The following OR4N2 variants were observed in gnomAD, a reference collection of about 807,000 sequenced individuals.
The protein encoded by OR4N2 is olfactory receptor family 4 subfamily N member 2.
For synonymous variants in OR4N2, 141 were observed against 140.4 expected (o/e 1.00, Z -0.03); for missense variants, 307 against 377.6 (o/e 0.81, Z 1.55).
Position 19,829,777 on chromosome 14 carries a change from A to C in OR4N2, c.*1405A>C, listed in dbSNP as rs1230879050. The C allele has an allele frequency of 1.3e-5, 2 of 152,268 alleles. No homozygotes were observed. The highest frequency in any genetic ancestry group is 4.8e-5 in the African/African-American group (2 of 41,474). 9.4% of individuals were successfully genotyped at this position (152,268 alleles called of 1,614,324 possible). On this transcript the variant is annotated 3_prime_UTR_variant, in exon 2 of 2. Transcript: ENST00000557677. ...AGGGGGTCAAAAATTGAGTTTTAAA[A>C]TATTTTATTTTTGATAATCGCCAAA...
chr14:19,828,112 C>T lies in OR4N2; in HGVS notation c.664C>T (p.Leu222Phe). The change falls in exon 2 of 2, where the codon CTT (leucine) becomes TTT (phenylalanine). Residue 222 changes from leucine (L) to phenylalanine (F), a missense_variant. Transcript: ENST00000557677. ...GCTTCTGGCCTCCTATGCAGTCATT[C>T]TTTGTCGCATACGAGGGTCTTCTTC... ...LGLLASYAVI[L>F]CRIRGSSSEA... is the part of the protein sequence containing the mutation. 4 of 1,614,256 alleles carry T rather than the reference C, an allele frequency of 2.5e-6. No homozygotes were observed. Among genetic ancestry groups the T allele is most frequent in the Non-Finnish European group, 3.4e-6 (4 of 1,180,044 alleles).
At chr14:19,819,086 T>A (rs2801166) in intron 1 of OR4N2, among the ~76,000 whole-genome samples, 82,446 of 149,944 alleles carry the variant, frequency 0.55, 17,602 homozygotes, top group East Asian at 0.66. Flanking sequence ...TGTGGGTAAC[T>A]ACTTGACCTT....
chr14:19,805,496 G>A (rs894590899), intron 1 of OR4N2, among the ~76,000 whole-genome samples: 2 of 152,146 alleles, frequency 1.3e-5, no homozygotes, highest in Non-Finnish European at 2.9e-5. Context: ...AAATATCTCT[G>A]AGCTCAAAGA....
chr14:19,818,726 G>A (rs1171863660), intron 1 of OR4N2, among the ~76,000 whole-genome samples: 1 of 152,184 alleles, frequency 6.6e-6, no homozygotes, highest in Non-Finnish European at 1.5e-5. Flanking sequence ...CTGTAATTAT[G>A]ATGTTATCTG....
At chr14:19,817,438 G>A (rs1879454390) in intron 1 of OR4N2, among the ~76,000 whole-genome samples, 1 of 152,366 alleles carries the variant, frequency 6.6e-6, no homozygotes, top group South Asian at 2.1e-4. Flanking sequence ...ATGTGCCCAG[G>A]AATTTATCCA....
intron 1 of OR4N2, among the ~76,000 whole-genome samples, chr14:19,820,708 C>T (rs1006923364): frequency 6.6e-6 from 1 of 152,270 alleles, no homozygotes; most frequent in Non-Finnish European, 1.5e-5. Context: ...TTCAAACTTC[C>T]TGGTGGCTTT....
chr14:19,822,715 A>T (rs1017567021), intron 1 of OR4N2, among the ~76,000 whole-genome samples: 3 of 152,258 alleles, frequency 2.0e-5, no homozygotes, highest in African/African-American at 7.2e-5. Flanking sequence ...TTTAACATCT[A>T]AATATTTTCA....
intron 1 of OR4N2, among the ~76,000 whole-genome samples, chr14:19,804,811 T>C (rs1342779414): frequency 6.6e-6 from 1 of 152,232 alleles, no homozygotes; most frequent in African/African-American, 2.4e-5. Flanking sequence ...CTCCCAGTAG[T>C]ATTGTGTGGT....
intron 1 of OR4N2, among the ~76,000 whole-genome samples, chr14:19,824,918 C>T (rs932985059): frequency 6.6e-5 from 10 of 152,244 alleles, no homozygotes; most frequent in African/African-American, 2.4e-4. Context: ...AAGGTATGTG[C>T]TAATTTTTTA....
chr14:19,821,184 A>G (rs942616792), intron 1 of OR4N2, among the ~76,000 whole-genome samples: 37 of 152,344 alleles, frequency 2.4e-4, no homozygotes, highest in Non-Finnish European at 2.6e-4. Flanking sequence ...CTGGGGAGGG[A>G]GTTCCCTGAA....
chr14:19,808,678 T>C (rs1452517737), intron 1 of OR4N2, among the ~76,000 whole-genome samples: 1 of 152,200 alleles, frequency 6.6e-6, no homozygotes, highest in Non-Finnish European at 1.5e-5. Context: ...ATGGTATTTC[T>C]ATCTCACTAC....
rs1435447535 is a variant in OR4N2 at position 19,829,132 on chromosome 14, A to C, written c.*760A>C. ...TATATTTGTAAGTGCACTTTGAAAG[A>C]TATTAAACTACCAATTTTTCTTACA... On this transcript the variant is annotated 3_prime_UTR_variant, in exon 2 of 2. Coordinates refer to ENST00000557677, the MANE Select transcript of OR4N2 (RefSeq NM_001004723.3). 2.0e-5 allele frequency: 3 copies of C among 152,228 alleles called. No homozygotes were observed. The highest frequency in any genetic ancestry group is 1.3e-4 in the Admixed American group (2 of 15,282). The allele number at this position is 152,228 out of a possible 1,614,324, so 9.4% of individuals were successfully genotyped here.
At chr14:19,821,445 C>CATAT (rs368040089) in intron 1 of OR4N2, among the ~76,000 whole-genome samples, 5 of 151,300 alleles carry the variant, frequency 3.3e-5, no homozygotes, top group Admixed American at 6.6e-5. Context: ...TGAGTCTAGT[C>CATAT]ATATATATAT....
chr14:19,808,433 CA>C (rs1388734280), intron 1 of OR4N2, among the ~76,000 whole-genome samples: 6 of 152,158 alleles, frequency 3.9e-5, no homozygotes, highest in Non-Finnish European at 8.8e-5. Context: ...TTCCATACAT[CA>C]ATAATGTCCA....
Position 19,829,694 on chromosome 14 carries a change from A to G in OR4N2, c.*1322A>G, listed in dbSNP as rs9671794. The G allele has an allele frequency of 2.0e-5, 3 of 151,910 alleles. No individual in the cohort carries two copies. Among genetic ancestry groups the G allele is most frequent in the African/African-American group, 7.3e-5 (3 of 41,268 alleles). The allele number at this position is 151,910 out of a possible 1,614,324, so 9.4% of individuals were successfully genotyped here. A position where few individuals can be genotyped will look rare whatever the true frequency, so the allele number is the denominator to read the frequency against. On this transcript the variant is annotated 3_prime_UTR_variant, in exon 2 of 2. Transcript: ENST00000557677. ...CTTTAACTAGCTGACTATATATTCA[A>G]ATCTCAAATGAGTACATTAAATGGG...
Position 19,828,384 on chromosome 14 carries a change from A to G in OR4N2, c.*12A>G. 2 of 1,526,146 alleles carry G rather than the reference A, an allele frequency of 1.3e-6. No individual in the cohort carries two copies. Among genetic ancestry groups the G allele is most frequent in the Non-Finnish European group, 1.8e-6 (2 of 1,130,044 alleles). The allele number at this position is 1,526,146 out of a possible 1,614,324, so 94.5% of individuals were successfully genotyped here. On this transcript the variant is annotated 3_prime_UTR_variant, in exon 2 of 2. Transcript: ENST00000557677. ...AGCACATAGCCTGAAAAAGGGCGCA[A>G]AAAAAAAAAGAATAAAAATAGACTG...
chr14:19,804,301 T>G (rs1879111470), intron 1 of OR4N2, among the ~76,000 whole-genome samples: 1 of 152,230 alleles, frequency 6.6e-6, no homozygotes, highest in African/African-American at 2.4e-5. Context: ...GGATGTTAAT[T>G]TGAAATCTTT....
chr14:19,826,330 A>G (rs530212972), intron 1 of OR4N2, among the ~76,000 whole-genome samples: 75 of 152,392 alleles, frequency 4.9e-4, no homozygotes, highest in African/African-American at 1.8e-3. Flanking sequence ...TTAGACTAAC[A>G]ATATTATTTT....
intron 1 of OR4N2, among the ~76,000 whole-genome samples, chr14:19,817,148 T>G (rs892913134): frequency 1.1e-4 from 17 of 152,166 alleles, no homozygotes; most frequent in African/African-American, 4.1e-4. Context: ...TGATCTGAAA[T>G]TTTCTTTTTT....
Sources: gnomAD v4.1 joint callset for allele counts (sites outside exome capture counted in the v4.1 genomes callset) on GRCh38, gnomAD v4.1.1 for gene constraint, MANE v1.5 for transcripts, NCBI Gene and HGNC (gene_info 2026-07-23, HGNC 2026-07-21) for gene names.